The following ROBO1 variants were observed in gnomAD, a reference collection of about 807,000 sequenced individuals.
The protein encoded by ROBO1 is roundabout homolog 1.
Under a neutral mutation model 195.9 loss-of-function variants are expected in ROBO1, and 149 were observed. That is an observed-to-expected ratio of 0.76 (90% CI 0.67 to 0.87). The LOEUF (loss-of-function observed/expected upper bound fraction) is 0.87, where lower values mean the gene tolerates loss of function less well. Ranked by LOEUF, ROBO1 falls within the 40% of genes least tolerant of loss-of-function variation. ROBO1 has a pLI of 0.00. For synonymous variants in ROBO1, 816 were observed against 733.2 expected (o/e 1.11, Z -1.82); for missense variants, 1,933 against 2,068.3 (o/e 0.93, Z 1.27).
At chr3:79,410,685 G>A (rs1559879104) in intron 2 of ROBO1, among the ~76,000 whole-genome samples, 1 of 151,856 alleles carries the variant, frequency 6.6e-6, no homozygotes, top group Non-Finnish European at 1.5e-5. Context: ...AAAAAGAAAG[G>A]AGAGAAAGAA....
At chr3:79,259,418 G>A (rs1445647916) in intron 2 of ROBO1, among the ~76,000 whole-genome samples, 1 of 151,918 alleles carries the variant, frequency 6.6e-6, no homozygotes, top group Non-Finnish European at 1.5e-5. Context: ...GGGATTACAG[G>A]TGTGAGCCAC....
chr3:79,482,462 C>G (rs975006252), intron 2 of ROBO1, among the ~76,000 whole-genome samples: 50 of 152,138 alleles, frequency 3.3e-4, no homozygotes, highest in African/African-American at 1.2e-3. Context: ...ACCCCTTACG[C>G]TTGGTTCTCA....
intron 1 of ROBO1, among the ~76,000 whole-genome samples, chr3:79,749,113 T>A (rs1420371199): frequency 6.6e-6 from 1 of 152,150 alleles, no homozygotes; most frequent in African/African-American, 2.4e-5. Context: ...GTACAGACAG[T>A]GAAATCCAGG....
Position 79,018,760 on chromosome 3 carries a change from G to A in ROBO1, c.173-79833C>T, listed in dbSNP as rs1356305256. The A allele has an allele frequency of 7.0e-6, 8 of 1,145,958 alleles. No homozygotes were observed. In the East Asian group the frequency reaches 2.7e-4, roughly 39 times the overall value. The allele number at this position is 1,145,958 out of a possible 1,614,324, so 71.0% of individuals were successfully genotyped here. Reference sequence around the variant, plus strand: ...AACAACAAAGAGCCGAGGCAGAAGCGCAGTAGTGCCGTTTCCTGCCTCCAC... The same window carrying A: ...AACAACAAAGAGCCGAGGCAGAAGCACAGTAGTGCCGTTTCCTGCCTCCAC... On this transcript the variant is annotated intron_variant, in intron 3 of 30. Transcript: ENST00000464233.
intron 3 of ROBO1, among the ~76,000 whole-genome samples, chr3:79,023,917 G>A (rs1576583254): frequency 1.4e-5 from 2 of 146,752 alleles, no homozygotes. Context: ...TCACTATGTT[G>A]GTCAGGCTGG....
At chr3:78,941,681 T>C (rs2107704070) in intron 3 of ROBO1, among the ~76,000 whole-genome samples, 1 of 152,168 alleles carries the variant, frequency 6.6e-6, no homozygotes, top group African/African-American at 2.4e-5. Flanking sequence ...CAGGTGATGA[T>C]TTCACCCAGA....
At chr3:78,713,577 AAT>A (rs1323851605) in intron 8 of ROBO1, among the ~76,000 whole-genome samples, 1 of 152,178 alleles carries the variant, frequency 6.6e-6, no homozygotes, top group African/African-American at 2.4e-5. Flanking sequence ...AAGAAAAAAA[AAT>A]AGAGGAAAGT....
intron 2 of ROBO1, among the ~76,000 whole-genome samples, chr3:79,336,486 G>C (rs1162874319): frequency 6.6e-6 from 1 of 152,206 alleles, no homozygotes; most frequent in Non-Finnish European, 1.5e-5. Flanking sequence ...ACGTGGTGTT[G>C]GGCCTGTGAG....
At chr3:79,744,976 T>A (rs992688141) in intron 1 of ROBO1, among the ~76,000 whole-genome samples, 1 of 152,136 alleles carries the variant, frequency 6.6e-6, no homozygotes, top group Non-Finnish European at 1.5e-5. Context: ...ATTTTTTCTA[T>A]AATCCAGGAT....
Position 78,617,776 on chromosome 3 carries a change from C to T in ROBO1, c.4141G>A (p.Asp1381Asn), listed in dbSNP as rs1200592604. ...CTGGAGCGTCCGCTGGAAATGTTGT[C>T]CTCCTCTGAGGCTGAGCCCCAGCCG... ...INGWGSASEE[D>N]NISSGRSSVS... The change falls in exon 27 of 31, where the codon GAC becomes AAC. Residue 1381 changes from aspartate (D) to asparagine (N), a missense_variant. Physicochemically the swap from Asp to Asn is conservative, Grantham distance 23 (BLOSUM62 1). This residue lies in a region of ROBO1 where 1,737 missense variants were observed against 1,882.5 expected (regional missense o/e 0.92). Transcript: ENST00000464233. 2.5e-6 allele frequency: 4 copies of T among 1,613,946 alleles called. No homozygotes were observed. Among genetic ancestry groups the T allele is most frequent in the Non-Finnish European group, 3.4e-6 (4 of 1,179,872 alleles).
chr3:79,479,740 GT>G (rs1436113419), intron 2 of ROBO1, among the ~76,000 whole-genome samples: 1 of 152,158 alleles, frequency 6.6e-6, no homozygotes, highest in African/African-American at 2.4e-5. Flanking sequence ...TTAACAGGAT[GT>G]TATCCCTTAA....
chr3:79,174,788 G>A (rs1390753996), intron 2 of ROBO1, among the ~76,000 whole-genome samples: 3 of 151,320 alleles, frequency 2.0e-5, no homozygotes, highest in Non-Finnish European at 4.4e-5. Context: ...CCTGGGAGGC[G>A]GAGCTTGCAG....
At chr3:79,365,589 C>G (rs1246281018) in intron 2 of ROBO1, among the ~76,000 whole-genome samples, 1 of 152,066 alleles carries the variant, frequency 6.6e-6, no homozygotes, top group Admixed American at 6.5e-5. Context: ...TTTAACTCTC[C>G]GTGTTAAAAC....
chr3:78,703,068 A>G (rs1423422725), intron 8 of ROBO1, among the ~76,000 whole-genome samples: 1 of 152,190 alleles, frequency 6.6e-6, no homozygotes. Context: ...AAGCAACCCC[A>G]AATCTTTTTT....
intron 4 of ROBO1, among the ~76,000 whole-genome samples, chr3:78,760,043 T>TC (rs963597193): frequency 5.3e-5 from 8 of 152,060 alleles, no homozygotes; most frequent in African/African-American, 1.4e-4. Context: ...GGGAGTGGTT[T>TC]CCCCCATGCT....
At chr3:78,825,918 T>G (rs1356293830) in intron 4 of ROBO1, among the ~76,000 whole-genome samples, 1 of 152,178 alleles carries the variant, frequency 6.6e-6, no homozygotes, top group Non-Finnish European at 1.5e-5. Flanking sequence ...CTTGAAGTAT[T>G]CACAAAGATT....
intron 2 of ROBO1, among the ~76,000 whole-genome samples, chr3:79,506,476 G>A (rs1416167655): frequency 6.6e-6 from 1 of 150,422 alleles, no homozygotes; most frequent in Non-Finnish European, 1.5e-5. Context: ...TTTTTTTTGA[G>A]ATGGAGTCTC....
At chr3:79,202,523 C>A (rs548144565) in intron 2 of ROBO1, among the ~76,000 whole-genome samples, 6 of 150,640 alleles carry the variant, frequency 4.0e-5, no homozygotes, top group African/African-American at 1.5e-4. Context: ...GGGGAACATT[C>A]TATTAATCTA....
At chr3:78,892,083 A>G (rs971055899) in intron 4 of ROBO1, among the ~76,000 whole-genome samples, 2 of 152,176 alleles carry the variant, frequency 1.3e-5, no homozygotes, top group Non-Finnish European at 2.9e-5. Context: ...TCAATAAAAA[A>G]TGCGGGCCGT....
Sources: gnomAD v4.1 joint callset for allele counts (sites outside exome capture counted in the v4.1 genomes callset) on GRCh38, gnomAD v4.1.1 for gene constraint, gnomAD v4.1.1 regional missense constraint, MANE v1.5 for transcripts, NCBI Gene and HGNC (gene_info 2026-07-23, HGNC 2026-07-21) for gene names.